The following WDR7 variants were observed in gnomAD, a reference collection of about 807,000 sequenced individuals.
WDR7 encodes the protein WD repeat domain 7.
Under a neutral mutation model 169.4 loss-of-function variants are expected in WDR7, and 46 were observed. That is an observed-to-expected ratio of 0.27 (90% CI 0.21 to 0.35). WDR7 has a LOEUF of 0.35. WDR7 is among the 10% of genes least tolerant of loss of function. The probability of loss-of-function intolerance (pLI) is 1.00; values close to 1 mark genes in which losing one functional copy is unlikely to be tolerated. For missense variants in WDR7, 1,534 were observed against 1,859.3 expected (o/e 0.83, Z 3.22); for synonymous variants, 612 against 666.8 (o/e 0.92, Z 1.27).
chr18:56,892,827 C>T (rs1239170097), intron 21 of WDR7, among the ~76,000 whole-genome samples: 1 of 151,930 alleles, frequency 6.6e-6, no homozygotes, highest in Non-Finnish European at 1.5e-5. Flanking sequence ...ATATAACATC[C>T]GTGGTAGTAA....
downstream of WDR7, chr18:57,030,737 A>G (rs533884059): frequency 6.6e-6 from 1 of 152,312 alleles, no homozygotes; most frequent in South Asian, 2.1e-4. Context: ...AGAAAGAGAA[A>G]AGAAGACTCA....
intron 2 of WDR7, 81 bp from the exon 3 acceptor site, chr18:56,679,251 T>G (rs683248): frequency 0.98 from 1,163,587 of 1,186,550 alleles, 573,083 homozygotes; most frequent in South Asian, 1. Flanking sequence ...GTCTTCTATT[T>G]TACTATGGCT....
chr18:56,847,014 C>T (rs1055606526), intron 20 of WDR7, among the ~76,000 whole-genome samples: 2 of 152,078 alleles, frequency 1.3e-5, no homozygotes, highest in Non-Finnish European at 1.5e-5. Flanking sequence ...AACAGGCAGA[C>T]GTTGGAAGCA....
chr18:56,654,193 G>A (rs1475821754), intron 1 of WDR7, among the ~76,000 whole-genome samples: 1 of 151,930 alleles, frequency 6.6e-6, no homozygotes, highest in Non-Finnish European at 1.5e-5. Context: ...GTGCAGTAGT[G>A]CGATCTTGGC....
intron 21 of WDR7, among the ~76,000 whole-genome samples, chr18:56,907,982 A>G (rs1472391965): frequency 6.6e-6 from 1 of 152,174 alleles, no homozygotes; most frequent in Admixed American, 6.6e-5. Flanking sequence ...ATCGATAACC[A>G]TAACATCTGT....
At chr18:56,662,984 G>C (rs760408860) in intron 1 of WDR7, among the ~76,000 whole-genome samples, 5 of 152,166 alleles carry the variant, frequency 3.3e-5, no homozygotes, top group Non-Finnish European at 5.9e-5. Context: ...CACAGTCCTG[G>C]AGGCTAGAAG....
chr18:56,754,289 ATGTG>A (rs1177972248), intron 14 of WDR7, among the ~76,000 whole-genome samples: 2 of 124,324 alleles, frequency 1.6e-5, no homozygotes, highest in Admixed American at 1.6e-4. Context: ...GTGTGTGTAT[ATGTG>A]TGTGTGTGTA....
chr18:57,021,274 G>A (rs1024594404), intron 27 of WDR7, among the ~76,000 whole-genome samples: 2 of 152,152 alleles, frequency 1.3e-5, no homozygotes, highest in African/African-American at 2.4e-5. Context: ...ATGAGTAGCC[G>A]TGAGCAAGGG....
chr18:56,805,309 C>T (rs2044753785), intron 19 of WDR7, among the ~76,000 whole-genome samples: 1 of 152,128 alleles, frequency 6.6e-6, no homozygotes. Context: ...ATGTAACTAT[C>T]CTGCATACAA....
intron 12 of WDR7, among the ~76,000 whole-genome samples, chr18:56,697,375 G>A (rs917197245): frequency 2.0e-5 from 3 of 152,126 alleles, no homozygotes; most frequent in African/African-American, 7.2e-5. Context: ...TATCAACCAT[G>A]TTCTGCCAGT....
chr18:56,752,319 A>T (rs958527599), intron 14 of WDR7, among the ~76,000 whole-genome samples: 2 of 152,160 alleles, frequency 1.3e-5, no homozygotes. Context: ...CCTGTTTCAC[A>T]TCTGGCCATT....
At chr18:56,986,287 T>C (rs2047719011) in intron 26 of WDR7, among the ~76,000 whole-genome samples, 1 of 152,108 alleles carries the variant, frequency 6.6e-6, no homozygotes, top group African/African-American at 2.4e-5. Flanking sequence ...CACTTTAAGA[T>C]GTTTAAAATT....
At chr18:56,821,602 CT>C (rs1267181130) in intron 20 of WDR7, among the ~76,000 whole-genome samples, 1 of 150,506 alleles carries the variant, frequency 6.6e-6, no homozygotes, top group Non-Finnish European at 1.5e-5. Context: ...GAGGTAGTTA[CT>C]TTGCTGGATA....
At chr18:56,809,175 C>T (rs1347235353) in intron 19 of WDR7, among the ~76,000 whole-genome samples, 2 of 152,074 alleles carry the variant, frequency 1.3e-5, no homozygotes, top group Admixed American at 6.6e-5. Context: ...TTTGTGAAAT[C>T]TGGATTTGGA....
rs149898085 is a variant in WDR7 at position 56,756,756 on chromosome 18, A to G, written c.2163A>G (p.Gln721=). The G allele has an allele frequency of 6.2e-7, 1 of 1,614,150 alleles. No individual in the cohort carries two copies. Among genetic ancestry groups the G allele is most frequent in the Non-Finnish European group, 8.5e-7 (1 of 1,180,020 alleles). Residue 721 remains glutamine, a synonymous_variant, in exon 15 of 28, where the codon CAA becomes CAG. Coordinates refer to ENST00000254442, the MANE Select transcript of WDR7 (RefSeq NM_015285.3). ...CTCTTATTTCCCCAGAGAATTTGCA[A>G]AAAGCATCTGGCAGTTCAGACAAAG... is the stretch of plus-strand genomic sequence containing the variant. The part of the protein sequence containing the change: ...NTALISPENL[Q]KASGSSDKGG...
intron 19 of WDR7, among the ~76,000 whole-genome samples, chr18:56,784,128 C>T (rs574191211): frequency 6.6e-6 from 1 of 152,240 alleles, no homozygotes; most frequent in South Asian, 2.1e-4. Flanking sequence ...CTGCCCCCAG[C>T]CTTTTGTTTT....
chr18:56,859,929 G>A (rs2045779005), intron 20 of WDR7, among the ~76,000 whole-genome samples: 1 of 152,066 alleles, frequency 6.6e-6, no homozygotes, highest in African/African-American at 2.4e-5. Context: ...TTATCTTTAT[G>A]GTTTTAGTAG....
intron 9 of WDR7, among the ~76,000 whole-genome samples, chr18:56,693,043 C>T (rs2025611852): frequency 1.3e-5 from 2 of 152,134 alleles, no homozygotes; most frequent in African/African-American, 4.8e-5. Context: ...CCAGCCTGGG[C>T]AACATGGCGA....
At chr18:56,888,338 G>A (rs1442137305) in intron 21 of WDR7, among the ~76,000 whole-genome samples, 2 of 152,210 alleles carry the variant, frequency 1.3e-5, no homozygotes, top group Non-Finnish European at 2.9e-5. Flanking sequence ...GCCTAGATTA[G>A]GCTAGTGTTA....
Sources: gnomAD v4.1 joint callset for allele counts (sites outside exome capture counted in the v4.1 genomes callset) on GRCh38, gnomAD v4.1.1 for gene constraint, MANE v1.5 for transcripts, NCBI Gene and HGNC (gene_info 2026-07-23, HGNC 2026-07-21) for gene names.